The following C11orf65 variants were observed in gnomAD, a reference collection of about 807,000 sequenced individuals.
C11orf65 encodes the protein protein MFI.
A neutral mutation model predicts 35.3 loss-of-function variants in C11orf65; 38 were observed. That is an observed-to-expected ratio of 1.08 (90% CI 0.83 to 1.41). C11orf65 has a LOEUF of 1.41. Ranked by LOEUF, C11orf65 falls within the 40% of genes most tolerant of loss-of-function variation. The probability of loss-of-function intolerance (pLI) is 0.00; values close to 1 mark genes in which losing one functional copy is unlikely to be tolerated. For synonymous variants in C11orf65, 105 were observed against 114.4 expected (o/e 0.92, Z 0.53); for missense variants, 370 against 367.1 (o/e 1.01, Z -0.06).
intron 6 of C11orf65, among the ~76,000 whole-genome samples, chr11:108,402,556 T>A (rs796636148): frequency 4.2e-5 from 4 of 95,132 alleles, no homozygotes; most frequent in African/African-American, 1.7e-4. Flanking sequence ...GCACAGGTTT[T>A]TAATTTTTTT....
chr11:108,406,840 C>T lies in C11orf65; in HGVS notation c.352G>A (p.Asp118Asn). Residue 118 changes from aspartate (D) to asparagine (N), a missense_variant, in exon 5 of 9, where the codon GAT (aspartate) becomes AAT (asparagine). Physicochemically the swap from Asp to Asn is conservative, Grantham distance 23. Transcript: ENST00000393084. Reference sequence around the variant, plus strand: ...CTATGATCCTCTTCCTGAAGATGATCATTTTTATTATGAGATGTATGCTTT... The same window carrying T: ...CTATGATCCTCTTCCTGAAGATGATTATTTTTATTATGAGATGTATGCTTT... Reference protein sequence around the residue: ...PAKHTSHNKNDHLQEEDHSGW... With the variant: ...PAKHTSHNKNNHLQEEDHSGW... The T allele has an allele frequency of 6.2e-7, 1 of 1,613,262 alleles. No homozygotes were observed.
downstream of C11orf65, chr11:108,327,527 T>A (rs2085792110): frequency 1.3e-6 from 1 of 781,828 alleles, no homozygotes; most frequent in African/African-American, 1.7e-5. Context: ...AAAAACTTTT[T>A]TTTTCCCACC....
At chr11:108,458,398 A>T (rs7110127) in intron 2 of C11orf65, among the ~76,000 whole-genome samples, 1 of 146,158 alleles carries the variant, frequency 6.8e-6, no homozygotes, top group African/African-American at 2.5e-5. Context: ...GGAGAAGATC[A>T]CCAGACAGGA....
chr11:108,393,566 C>T, intron 6 of C11orf65, among the ~76,000 whole-genome samples, 188 bp from the exon 7 acceptor site: 1 of 152,184 alleles, frequency 6.6e-6, no homozygotes, highest in African/African-American at 2.4e-5. Context: ...GGGGGAAAAG[C>T]AACTTAACCA....
rs730881380 is a variant in C11orf65, at chr11:108,317,431, A to T, written c.641-8360T>A. ...TCCGTCTATTTAAAAGGATTGGATT[A>T]TGAAAATAAAGACTGGTGTCCTGAA... On this transcript the variant is annotated intron_variant, in intron 6 of 6. Transcript: ENST00000525729. 20 of 1,612,380 alleles carry T rather than the reference A, an allele frequency of 1.2e-5. No homozygotes were observed. Among genetic ancestry groups the T allele is most frequent in the Non-Finnish European group, 1.6e-5 (19 of 1,179,314 alleles).
rs1278892814 is a variant in C11orf65, at chr11:108,325,964, A to G, written c.641-16893T>C. 6.1e-6 allele frequency: 9 copies of G among 1,474,636 alleles called. No individual in the cohort carries two copies. The African/African-American group carries it at 7.0e-5, about 11-fold the overall frequency. 91.3% of individuals were successfully genotyped at this position (1,474,636 alleles called of 1,614,324 possible). On this transcript the variant is annotated intron_variant, in intron 6 of 6. Transcript: ENST00000525729. ...TCCCTGACAAGTAGTTAAGTCCTCA[A>G]TGAATGGTAGTTGCTGCTTTCATTA...
intron 2 of C11orf65, chr11:108,366,603 A>G: frequency 4.3e-6 from 1 of 230,724 alleles, no homozygotes; most frequent in Non-Finnish European, 8.6e-6. Context: ...TGTTTATGTC[A>G]TATTCCCAGG....
chr11:108,355,030 C>A, intron 2 of C11orf65: 1 of 657,358 alleles, frequency 1.5e-6, no homozygotes, highest in Non-Finnish European at 2.7e-6. Context: ...TTAGCCTTTT[C>A]ACACATCCAA....
chr11:108,308,722 A>G (rs1385943354), exon 7 of C11orf65: 1 of 338,738 alleles, frequency 3.0e-6, no homozygotes, highest in African/African-American at 2.1e-5. Context: ...GTGAAAAATG[A>G]AATGTTTTTA....
intron 6 of C11orf65, among the ~76,000 whole-genome samples, chr11:108,394,609 C>CT (rs1440140965): frequency 6.6e-6 from 1 of 151,912 alleles, no homozygotes; most frequent in African/African-American, 2.4e-5. Flanking sequence ...ATCATCAAAA[C>CT]TTTTTTTGGT....
chr11:108,367,116 T>G (rs2091370817), intron 2 of C11orf65: 3 of 178,998 alleles, frequency 1.7e-5, no homozygotes, highest in Non-Finnish European at 3.6e-5. Flanking sequence ...GCCTCCCGAG[T>G]AGCTGGGACT....
intron 6 of C11orf65, among the ~76,000 whole-genome samples, chr11:108,322,075 A>G (rs886342518): frequency 1.3e-5 from 2 of 152,122 alleles, no homozygotes; most frequent in Non-Finnish European, 2.9e-5. Context: ...GCCTTGCTAA[A>G]CTAGAAGCTC....
At chr11:108,310,025 T>C in intron 6 of C11orf65, 1 of 819,256 alleles carries the variant, frequency 1.2e-6, no homozygotes, top group Non-Finnish European at 1.9e-6. Context: ...TAGGTATATA[T>C]TGGGGAAATG....
At chr11:108,446,247 G>A in intron 2 of C11orf65, among the ~76,000 whole-genome samples, 1 of 151,682 alleles carries the variant, frequency 6.6e-6, no homozygotes, top group South Asian at 2.1e-4. Flanking sequence ...ATCTAGCAAG[G>A]CAGGCCAACA....
At chr11:108,310,636 A>G (rs1257012741) in intron 6 of C11orf65, among the ~76,000 whole-genome samples, 2 of 152,102 alleles carry the variant, frequency 1.3e-5, no homozygotes, top group African/African-American at 4.8e-5. Flanking sequence ...GGTGATAAAT[A>G]TTTTTCAAAT....
intron 6 of C11orf65, among the ~76,000 whole-genome samples, chr11:108,404,550 G>C (rs1276177799): frequency 1.3e-5 from 2 of 151,774 alleles, no homozygotes; most frequent in Non-Finnish European, 2.9e-5. Context: ...TGGGACTACA[G>C]GCGCCTGCCA....
intron 2 of C11orf65, among the ~76,000 whole-genome samples, chr11:108,433,764 G>A (rs190342302): frequency 6.6e-6 from 1 of 151,882 alleles, no homozygotes; most frequent in East Asian, 1.9e-4. Flanking sequence ...AGTAAAAGGT[G>A]GGACTCACAG....
chr11:108,438,577 TA>T (rs1325534412), intron 2 of C11orf65, among the ~76,000 whole-genome samples: 1 of 150,286 alleles, frequency 6.7e-6, no homozygotes, highest in Non-Finnish European at 1.5e-5. Context: ...AAGATCCAAA[TA>T]TAAGAGTTAA....
chr11:108,448,866 A>G (rs2093306003), intron 2 of C11orf65, among the ~76,000 whole-genome samples: 1 of 152,194 alleles, frequency 6.6e-6, no homozygotes, highest in Non-Finnish European at 1.5e-5. Context: ...AGACGACATG[A>G]TTGTATATCT....
Sources: gnomAD v4.1 joint callset for allele counts (sites outside exome capture counted in the v4.1 genomes callset) on GRCh38, gnomAD v4.1.1 for gene constraint, MANE v1.5 for transcripts, NCBI Gene and HGNC (gene_info 2026-07-23, HGNC 2026-07-21) for gene names.